ADGRL3: variants seen among roughly 807,000 people sequenced by gnomAD.
ADGRL3 encodes the protein adhesion G protein-coupled receptor L3.
ADGRL3 carries 62 observed loss-of-function variants against 153.5 expected under a neutral mutation model. The observed-to-expected ratio is 0.40, with a 90% CI of 0.33 to 0.50. ADGRL3 has a LOEUF of 0.50. Ranked by LOEUF, ADGRL3 falls within the 20% of genes least tolerant of loss-of-function variation. The pLI is 0.47. For missense variants in ADGRL3, 1,641 were observed against 1,859.4 expected, an observed-to-expected ratio of 0.88 and a Z score of 2.16; for synonymous variants, 710 against 672.5, an observed-to-expected ratio of 1.06 and a Z score of -0.86.
chr4:62,007,426 A>G (rs1190626135), intron 21 of ADGRL3, among the ~76,000 whole-genome samples: 17 of 68,018 alleles, frequency 2.5e-4, no homozygotes, highest in East Asian at 1.2e-3. Context: ...ATATATACAC[A>G]TATATATATA....
intron 5 of ADGRL3, among the ~76,000 whole-genome samples, chr4:61,633,082 G>A (rs2093260382): frequency 6.6e-6 from 1 of 152,098 alleles, no homozygotes; most frequent in African/African-American, 2.4e-5. Flanking sequence ...TGTAATGAAG[G>A]AGTAAACTGC....
intron 9 of ADGRL3, among the ~76,000 whole-genome samples, chr4:61,871,863 C>T (rs1470070688): frequency 6.6e-6 from 1 of 152,156 alleles, no homozygotes; most frequent in East Asian, 1.9e-4. Context: ...CTGAAATGAT[C>T]TTCCCTGTTT....
intron 5 of ADGRL3, among the ~76,000 whole-genome samples, chr4:61,642,316 CT>C (rs1227931723): frequency 1.3e-5 from 2 of 152,164 alleles, no homozygotes; most frequent in African/African-American, 4.8e-5. Flanking sequence ...TCAATTCTGG[CT>C]TTGGTTGCCA....
chr4:61,381,338 A>T (rs1311228947), intron 1 of ADGRL3, among the ~76,000 whole-genome samples: 1 of 99,044 alleles, frequency 1.0e-5, no homozygotes, highest in Non-Finnish European at 2.1e-5. Context: ...TGTGTGTTTA[A>T]TTAAGAAATG....
At chr4:62,006,520 A>T (rs66973289) in intron 21 of ADGRL3, among the ~76,000 whole-genome samples, 35,247 of 150,068 alleles carry the variant, frequency 0.23, 4,604 homozygotes, top group Admixed American at 0.32. Context: ...GCAGATGCTG[A>T]GTTGGAAGTT....
chr4:61,441,567 T>TGG (rs1262498212), intron 2 of ADGRL3, among the ~76,000 whole-genome samples: 4 of 151,490 alleles, frequency 2.6e-5, no homozygotes, highest in Non-Finnish European at 5.9e-5. Context: ...CTGCCCAGGT[T>TGG]GGAGTGCAGT....
At position 61,629,393 on chromosome 4, in the gene ADGRL3, G is replaced by A. The variant is rs551327044; in HGVS notation, c.473+41953G>A. 7.2e-5 allele frequency among the ~76,000 whole-genome samples: 11 copies of A among 151,870 alleles called. No homozygotes were observed. In the South Asian group the frequency reaches 2.3e-3, roughly 32 times the overall value. On this transcript the variant is annotated intron_variant, in intron 5 of 26. Coordinates refer to ENST00000683033, the MANE Select transcript of ADGRL3 (RefSeq NM_001387552.1). ...GGGCCATCAACTATTAGTATCTCAAGTTGTTCTATATGGTTTTTCTCCATT... is the reference window on the plus strand; with the variant it reads ...GGGCCATCAACTATTAGTATCTCAAATTGTTCTATATGGTTTTTCTCCATT...
intron 11 of ADGRL3, among the ~76,000 whole-genome samples, chr4:61,908,201 C>G (rs1195176160): frequency 6.6e-6 from 1 of 151,956 alleles, no homozygotes; most frequent in Non-Finnish European, 1.5e-5. Context: ...GCCTTGAGCC[C>G]AGGAATTCAA....
intron 1 of ADGRL3, among the ~76,000 whole-genome samples, chr4:61,284,299 G>A (rs762547479): frequency 6.6e-6 from 1 of 151,866 alleles, no homozygotes; most frequent in Non-Finnish European, 1.5e-5. Context: ...CACATTGATA[G>A]AGTATTAACT....
In ADGRL3 at chr4:62,066,564, A is replaced by C. The variant is rs188526638; in HGVS notation, c.3815-1602A>C. On this transcript the variant is annotated intron_variant, in intron 25 of 26. Transcript: ENST00000683033. ...ATCTTCTTGTCAGTATTAGGAATTT[A>C]ATTTTTGTAAAGATAAATCACATTA... is the stretch of plus-strand genomic sequence containing the variant. 6.9e-3 allele frequency among the ~76,000 whole-genome samples: 1,047 copies of C among 152,194 alleles called. 6 individuals carry two copies. Among genetic ancestry groups the C allele is most frequent in the Non-Finnish European group, 0.011 (771 of 67,956 alleles).
intron 5 of ADGRL3, among the ~76,000 whole-genome samples, chr4:61,591,029 A>T (rs753711712): frequency 6.6e-6 from 1 of 152,190 alleles, no homozygotes; most frequent in Non-Finnish European, 1.5e-5. Context: ...CATCCATGTA[A>T]CTATCACAGA....
At chr4:61,935,128 C>G (rs2098832789) in intron 14 of ADGRL3, 105 bp downstream of exon 14, 2 of 897,646 alleles carry the variant, frequency 2.2e-6, no homozygotes, top group Admixed American at 2.7e-5. Flanking sequence ...TGCTTTATTT[C>G]AATGGAGAAA....
At chr4:61,893,078 C>T (rs1369976622) in intron 10 of ADGRL3, 120 bp downstream of exon 10, 5 of 428,902 alleles carry the variant, frequency 1.2e-5, no homozygotes, top group Non-Finnish European at 1.9e-5. Flanking sequence ...TCCCTCCCTC[C>T]TTGTCTCTTT....
chr4:61,625,071 G>A (rs1188460920), intron 5 of ADGRL3, among the ~76,000 whole-genome samples: 1 of 152,002 alleles, frequency 6.6e-6, no homozygotes, highest in African/African-American at 2.4e-5. Context: ...AATGTAGAAC[G>A]TGAAATGTAG....
In ADGRL3 at chr4:62,073,839, T is replaced by G. The variant is rs957152504; in HGVS notation, c.*2931T>G. ...TGAACTCTATACATCATAAATGGCA[T>G]GCTTTCAGAGAGACTTAAGATCCCA... On this transcript the variant is annotated 3_prime_UTR_variant, in exon 27 of 27. Transcript: ENST00000683033. 1.3e-5 allele frequency: 2 copies of G among 152,074 alleles called. No individual in the cohort carries two copies. The highest frequency in any genetic ancestry group is 2.9e-5 in the Non-Finnish European group (2 of 67,980). The allele number at this position is 152,074 out of a possible 1,614,324, so 9.4% of individuals were successfully genotyped here.
chr4:61,739,003 A>G (rs978435752), intron 8 of ADGRL3, among the ~76,000 whole-genome samples: 1 of 152,114 alleles, frequency 6.6e-6, no homozygotes, highest in African/African-American at 2.4e-5. Context: ...TCCTGTTGTC[A>G]CCTATTCTGC....
chr4:61,374,101 A>G (rs1302758041), intron 1 of ADGRL3, among the ~76,000 whole-genome samples: 1 of 152,156 alleles, frequency 6.6e-6, no homozygotes, highest in Non-Finnish European at 1.5e-5. Context: ...GTAAAACTTC[A>G]GTTATCTAGG....
chr4:61,595,637 A>G (rs1467365078), intron 5 of ADGRL3, among the ~76,000 whole-genome samples: 1 of 152,126 alleles, frequency 6.6e-6, no homozygotes, highest in Non-Finnish European at 1.5e-5. Flanking sequence ...TAGAGGAGTG[A>G]TGGCACAAGC....
At chr4:61,812,601 C>A (rs555319807) in intron 8 of ADGRL3, among the ~76,000 whole-genome samples, 7 of 152,328 alleles carry the variant, frequency 4.6e-5, no homozygotes, top group Non-Finnish European at 8.8e-5. Context: ...CCCACTCAAA[C>A]CTTCTGTATA....
Sources: allele counts gnomAD v4.1 joint callset (sites outside exome capture counted in the v4.1 genomes callset), GRCh38; gene constraint gnomAD v4.1.1; transcripts MANE v1.5; gene names NCBI Gene and HGNC (gene_info 2026-07-23, HGNC 2026-07-21).